KIF20B: variants seen among roughly 807,000 people sequenced by gnomAD.
KIF20B encodes kinesin-like protein KIF20B.
A neutral mutation model predicts 232.5 loss-of-function variants in KIF20B; 188 were observed. That is an observed-to-expected ratio of 0.81 (90% confidence interval 0.72 to 0.91). The LOEUF is 0.91. Ranked by LOEUF, KIF20B falls within the 40% of genes least tolerant of loss-of-function variation. The probability of loss-of-function intolerance (pLI) is 0.00; values close to 1 mark genes in which losing one functional copy is unlikely to be tolerated. For synonymous variants in KIF20B, 712 were observed against 683.0 expected, an observed-to-expected ratio of 1.04 and a Z score of -0.66; for missense variants, 2,154 against 2,055.9, an observed-to-expected ratio of 1.05 and a Z score of -0.92.
intron 15 of KIF20B, 83 bp downstream of exon 15, chr10:89,725,241 C>G: frequency 8.3e-7 from 1 of 1,200,848 alleles, no homozygotes; most frequent in Non-Finnish European, 1.2e-6. Flanking sequence ...TGAGAAACAC[C>G]AAGATAGTTT....
intron 31 of KIF20B, 88 bp from the exon 32 acceptor site, chr10:89,772,601 G>A: frequency 1.3e-6 from 1 of 786,068 alleles, no homozygotes; most frequent in Non-Finnish European, 2.0e-6. Context: ...CTTTATTAAG[G>A]ATTTCAAACC....
At chr10:89,756,744 T>G (rs900888487) in intron 26 of KIF20B, among the ~76,000 whole-genome samples, 5 of 152,108 alleles carry the variant, frequency 3.3e-5, no homozygotes, top group Admixed American at 2.0e-4. Flanking sequence ...TGTCTGTTTT[T>G]GGGTTTTATG....
chr10:89,719,350 A>T, intron 12 of KIF20B, 69 bp from the exon 13 acceptor site: 1 of 1,136,824 alleles, frequency 8.8e-7, no homozygotes, highest in Non-Finnish European at 1.2e-6. Flanking sequence ...TAAATTTATA[A>T]AATAATCATT....
At chr10:89,735,297 G>A (rs1841624864) in intron 19 of KIF20B, among the ~76,000 whole-genome samples, 1 of 152,062 alleles carries the variant, frequency 6.6e-6, no homozygotes, top group Non-Finnish European at 1.5e-5. Context: ...GTATAGTTAA[G>A]TTTCAAAAAT....
At chr10:89,748,934 C>T (rs1841972938) in intron 23 of KIF20B, among the ~76,000 whole-genome samples, 1 of 151,490 alleles carries the variant, frequency 6.6e-6, no homozygotes, top group Non-Finnish European at 1.5e-5. Context: ...TTTTGCAATC[C>T]CTGCTTTTTA....
chr10:89,768,193 A>C (rs1842401482), intron 29 of KIF20B, 97 bp from the exon 30 acceptor site: 1 of 752,796 alleles, frequency 1.3e-6, no homozygotes, highest in South Asian at 1.6e-5. Context: ...TCACTGTTTT[A>C]AGTGATAATG....
intron 6 of KIF20B, among the ~76,000 whole-genome samples, chr10:89,712,978 A>G (rs1211597411): frequency 2.0e-5 from 3 of 152,184 alleles, no homozygotes; most frequent in Non-Finnish European, 4.4e-5. Context: ...TGGTCTCTGA[A>G]AGTAGAATAG....
At chr10:89,705,636 A>G (rs1842706532) in intron 2 of KIF20B, among the ~76,000 whole-genome samples, 195 bp downstream of exon 2, 2 of 152,246 alleles carry the variant, frequency 1.3e-5, no homozygotes, top group Admixed American at 6.5e-5. Flanking sequence ...ATGAATTTCA[A>G]ACATCACTGT....
chr10:89,716,023 A>ATAAATAAATAAAT (rs71306848), intron 8 of KIF20B, among the ~76,000 whole-genome samples: 2 of 151,840 alleles, frequency 1.3e-5, no homozygotes, highest in Non-Finnish European at 2.9e-5. Context: ...AAATAAATAA[A>ATAAATAAATAAAT]AATTAAAATA....
chr10:89,737,440 G>A lies in KIF20B; in HGVS notation c.2599G>A (p.Val867Met). 6.2e-7 allele frequency: 1 copy of A among 1,600,124 alleles called. No individual in the cohort carries two copies. Reference sequence around the variant, plus strand: ...TGAAGACCAAAAGAAAAGTGAAGAAGTGCGACCGAACATTGCAGAAATTGA... The same window carrying A: ...TGAAGACCAAAAGAAAAGTGAAGAAATGCGACCGAACATTGCAGAAATTGA... ...ITEDQKKSEE[V>M]RPNIAEIEDI... is the part of the protein sequence containing the mutation. Residue 867 changes from valine (V) to methionine (M), a missense_variant, in exon 20 of 33, where the codon GTG (valine) becomes ATG (methionine). By Grantham distance (21) the Val-to-Met change is conservative. Coordinates refer to ENST00000371728, the MANE Select transcript of KIF20B (RefSeq NM_001284259.2).
At chr10:89,768,646 C>G (rs915113920) in intron 30 of KIF20B, 92 bp from the exon 31 acceptor site, 9 of 1,217,740 alleles carry the variant, frequency 7.4e-6, no homozygotes, top group Non-Finnish European at 1.0e-5. Context: ...GAATTCATAA[C>G]CTGTCTCTGG....
At chr10:89,772,157 G>C (rs139242234) in intron 31 of KIF20B, among the ~76,000 whole-genome samples, 175 of 151,930 alleles carry the variant, frequency 1.2e-3, no homozygotes, top group Non-Finnish European at 1.9e-3. Flanking sequence ...TATGTACATA[G>C]TAAGGAATTT....
intron 18 of KIF20B, among the ~76,000 whole-genome samples, chr10:89,731,203 T>C (rs2026552): frequency 0.77 from 117,654 of 152,080 alleles, 45,837 homozygotes; most frequent in South Asian, 0.93. Context: ...TCATTTCTGG[T>C]GACTACAACT....
rs551663507 is a variant in KIF20B, at chr10:89,713,454, A to G, written c.676-593A>G. On this transcript the variant is annotated intron_variant, in intron 6 of 32. Coordinates refer to ENST00000371728, the MANE Select transcript of KIF20B (RefSeq NM_001284259.2). ...TTAAAATGTTAAAAAAAAATGAGAT[A>G]ATGTGCTTTCATATATTGTAAATGG... Among the ~76,000 whole-genome samples the G allele has an allele frequency of 2.6e-5, 4 of 152,248 alleles. No individual in the cohort carries two copies. In the South Asian group the frequency reaches 8.3e-4, roughly 32 times the overall value.
At position 89,740,388 on chromosome 10, in the gene KIF20B, G is replaced by T. The variant is rs918027195; in HGVS notation, c.3915+1292G>T. Among the ~76,000 whole-genome samples the T allele has an allele frequency of 1.2e-4, 18 of 152,042 alleles. No individual in the cohort carries two copies. The East Asian group carries it at 1.9e-3, about 16-fold the overall frequency. ...ACAGAGGGTGGTGCAGAGCTTCTGT[G>T]CCCTCTCTGGGTGTACCACCCTCCT... On this transcript the variant is annotated intron_variant, in intron 21 of 32. Transcript: ENST00000371728.
intron 29 of KIF20B, among the ~76,000 whole-genome samples, chr10:89,763,731 A>G (rs1012935259): frequency 6.6e-6 from 1 of 151,888 alleles, no homozygotes; most frequent in Non-Finnish European, 1.5e-5. Flanking sequence ...GAGGTTTCTG[A>G]TCCTGTTTTC....
rs755646052 is a variant in KIF20B, at chr10:89,709,349, G to A, written c.239G>A (p.Cys80Tyr). The change falls in exon 4 of 33, where the codon TGT (cysteine) becomes TAT (tyrosine). Residue 80 changes from cysteine to tyrosine, a missense_variant. Transcript: ENST00000371728. ...TATTGGGGGTATGTTTTCTAGGGCTGTGTGCATATTCTGGATTCACAGACT... is the reference window on the plus strand; with the variant it reads ...TATTGGGGGTATGTTTTCTAGGGCTATGTGCATATTCTGGATTCACAGACT... ...QSEKELESEG[C>Y]VHILDSQTVV... is the part of the protein sequence containing the mutation. The A allele has an allele frequency of 1.7e-5, 27 of 1,611,686 alleles. No homozygotes were observed. The South Asian group carries it at 2.6e-4, about 16-fold the overall frequency.
intron 31 of KIF20B, among the ~76,000 whole-genome samples, chr10:89,770,147 A>G (rs1277253717): frequency 6.6e-6 from 1 of 152,062 alleles, no homozygotes; most frequent in African/African-American, 2.4e-5. Flanking sequence ...AGATAATGTC[A>G]TAATGAAAAG....
At position 89,709,428 on chromosome 10, in the gene KIF20B, A is replaced by C; in HGVS notation, c.318A>C (p.Ser106=). 2 of 1,612,992 alleles carry C rather than the reference A, an allele frequency of 1.2e-6. No homozygotes were observed. Among genetic ancestry groups the C allele is most frequent in the Non-Finnish European group, 1.7e-6 (2 of 1,179,312 alleles). The change falls in exon 4 of 33, where the codon TCA becomes TCC. Residue 106 remains serine, a synonymous_variant. Coordinates refer to ENST00000371728, the MANE Select transcript of KIF20B (RefSeq NM_001284259.2). ...TTGGTCGGTTAAGTGAAAAAAGCTCAGGGCAGATGGCACAGAAATTCAGTT... is the reference window on the plus strand; with the variant it reads ...TTGGTCGGTTAAGTGAAAAAAGCTCCGGGCAGATGGCACAGAAATTCAGTT... The part of the protein sequence containing the change: ...CILGRLSEKS[S]GQMAQKFSFS...
Sources: gnomAD v4.1 joint callset for allele counts (sites outside exome capture counted in the v4.1 genomes callset) on GRCh38, gnomAD v4.1.1 for gene constraint, MANE v1.5 for transcripts, NCBI Gene and HGNC (gene_info 2026-07-23, HGNC 2026-07-21) for gene names.